GPBP1: variants seen among roughly 807,000 people sequenced by gnomAD.
GPBP1 encodes GC-rich promoter binding protein 1.
GPBP1 carries 13 observed loss-of-function variants against 56.5 expected under a neutral mutation model. That is an observed-to-expected ratio of 0.23 (90% CI 0.15 to 0.37). The LOEUF (loss-of-function observed/expected upper bound fraction) is 0.37. GPBP1 is among the 10% of genes least tolerant of loss of function. The pLI is 1.00. For missense variants in GPBP1, 477 were observed against 572.3 expected, an observed-to-expected ratio of 0.83 and a Z score of 1.70; for synonymous variants, 204 against 188.9, an observed-to-expected ratio of 1.08 and a Z score of -0.66.
Position 57,202,591 on chromosome 5 carries a change from A to AT in GPBP1, c.-57-11473dup, listed in dbSNP as rs546232314. ...GGCATGAGCCACCGTGCCCAGCAGC[A>AT]TTTTTTTTTTAAAAAGCTTATCTAT... On this transcript the variant is annotated intron_variant, in intron 2 of 11. Transcript: ENST00000506184. 7.8e-4 allele frequency among the ~76,000 whole-genome samples: 117 copies of AT among 150,238 alleles called. 1 individual carries two copies. In the South Asian group the frequency reaches 0.016, roughly 21 times the overall value.
In GPBP1 at chr5:57,264,265, G is replaced by T. The variant is rs1368335476; in HGVS notation, c.*1513G>T. The stretch of plus-strand genomic sequence containing the variant: ...AAAATAAGGTTTCACTATATAATTT[G>T]TCACAATTCAATCTAATCAGCTAAA... On this transcript the variant is annotated 3_prime_UTR_variant, in exon 12 of 12. Transcript: ENST00000506184. 2 of 152,162 alleles carry T rather than the reference G, an allele frequency of 1.3e-5. No homozygotes were observed. Among genetic ancestry groups the T allele is most frequent in the African/African-American group, 4.8e-5 (2 of 41,456 alleles). The allele number at this position is 152,162 out of a possible 1,614,324, so 9.4% of individuals were successfully genotyped here.
intron 6 of GPBP1, among the ~76,000 whole-genome samples, chr5:57,243,877 CAA>C (rs1740954322): frequency 6.6e-6 from 1 of 151,582 alleles, no homozygotes; most frequent in African/African-American, 2.4e-5. Flanking sequence ...TTTGTAGAGA[CAA>C]AGTTTCACTA....
chr5:57,179,208 A>AT (rs780898660), intron 2 of GPBP1, among the ~76,000 whole-genome samples: 29 of 152,224 alleles, frequency 1.9e-4, no homozygotes, highest in Non-Finnish European at 3.2e-4. Flanking sequence ...TATCTTTGAT[A>AT]TTTTTTTCTT....
intron 1 of GPBP1, among the ~76,000 whole-genome samples, 173 bp downstream of exon 1, chr5:57,174,384 G>T (rs1457411697): frequency 6.6e-6 from 1 of 151,860 alleles, no homozygotes; most frequent in African/African-American, 2.4e-5. Flanking sequence ...GCGCAGATAG[G>T]CCCCTCTAGG....
At chr5:57,187,813 A>G (rs372505268) in intron 2 of GPBP1, among the ~76,000 whole-genome samples, 1 of 152,086 alleles carries the variant, frequency 6.6e-6, no homozygotes, top group African/African-American at 2.4e-5. Flanking sequence ...CATATGATCA[A>G]CCAGGAGGGA....
intron 2 of GPBP1, among the ~76,000 whole-genome samples, chr5:57,209,430 A>G (rs949722045): frequency 3.3e-5 from 5 of 152,160 alleles, no homozygotes; most frequent in Non-Finnish European, 7.4e-5. Flanking sequence ...GCTCCCAAGT[A>G]TCTGGGACTA....
chr5:57,259,251 T>G (rs148000224), intron 10 of GPBP1, among the ~76,000 whole-genome samples: 2 of 152,350 alleles, frequency 1.3e-5, no homozygotes, highest in East Asian at 3.9e-4. Flanking sequence ...CAAGTTATTT[T>G]ACTTATATGA....
chr5:57,199,582 A>G (rs1387952840), intron 2 of GPBP1, among the ~76,000 whole-genome samples: 1 of 152,068 alleles, frequency 6.6e-6, no homozygotes, highest in African/African-American at 2.4e-5. Flanking sequence ...TCTAGGGTAC[A>G]TGTGCACAAC....
chr5:57,194,417 ATAGT>A (rs1281100420), intron 2 of GPBP1, among the ~76,000 whole-genome samples: 1 of 152,202 alleles, frequency 6.6e-6, no homozygotes, highest in African/African-American at 2.4e-5. Context: ...TGGATGAATA[ATAGT>A]TACACATATT....
intron 2 of GPBP1, among the ~76,000 whole-genome samples, chr5:57,177,122 A>G (rs1554055779): frequency 6.6e-6 from 1 of 151,546 alleles, no homozygotes; most frequent in Non-Finnish European, 1.5e-5. Flanking sequence ...ATGAGTATAC[A>G]TTTTTTTTTC....
At chr5:57,218,447 G>A (rs1161474519) in intron 3 of GPBP1, among the ~76,000 whole-genome samples, 1 of 152,180 alleles carries the variant, frequency 6.6e-6, no homozygotes, top group Non-Finnish European at 1.5e-5. Context: ...GATTGATAAT[G>A]GTGAGGTATT....
intron 8 of GPBP1, chr5:57,248,879 A>G (rs1177123558): frequency 6.6e-6 from 1 of 152,314 alleles, no homozygotes; most frequent in African/African-American, 2.4e-5. Context: ...AATAATCCAT[A>G]TGACACAGAG....
At chr5:57,202,585 A>G (rs572456991) in intron 2 of GPBP1, among the ~76,000 whole-genome samples, 1 of 152,050 alleles carries the variant, frequency 6.6e-6, no homozygotes, top group Non-Finnish European at 1.5e-5. Context: ...CACCGTGCCC[A>G]GCAGCATTTT....
rs189550546 is a variant in GPBP1 at position 57,181,856 on chromosome 5, T to C, written c.-58+5456T>C. Reference sequence around the variant, plus strand: ...GTTAGTGGTTACTGGTAAACTGTTTTGTGGTTGTGACTGTTTTTCAGTTTT... The same window carrying C: ...GTTAGTGGTTACTGGTAAACTGTTTCGTGGTTGTGACTGTTTTTCAGTTTT... On this transcript the variant is annotated intron_variant, in intron 2 of 11. Transcript: ENST00000506184. Among the ~76,000 whole-genome samples the C allele has an allele frequency of 5.1e-4, 78 of 152,336 alleles. No homozygotes were observed. The South Asian group carries it at 8.7e-3, about 17-fold the overall frequency.
At chr5:57,219,022 T>C (rs1755814675) in intron 3 of GPBP1, among the ~76,000 whole-genome samples, 2 of 152,154 alleles carry the variant, frequency 1.3e-5, no homozygotes. Context: ...TATTCTGTGA[T>C]CTTTCCATAG....
intron 2 of GPBP1, among the ~76,000 whole-genome samples, chr5:57,183,342 G>C (rs972228164): frequency 6.6e-6 from 1 of 152,162 alleles, no homozygotes; most frequent in South Asian, 2.1e-4. Context: ...ACTCCAGCCT[G>C]GGTGACAAGA....
chr5:57,212,649 CTTTCT>C (rs1249282827), intron 2 of GPBP1, among the ~76,000 whole-genome samples: 3 of 150,598 alleles, frequency 2.0e-5, no homozygotes, highest in Non-Finnish European at 3.0e-5. Context: ...TACTCTTAAC[CTTTCT>C]TTTCTTTTTC....
rs574840148 is a variant in GPBP1, at chr5:57,247,940, G to A, written c.804+725G>A. Among the ~76,000 whole-genome samples, 5 of 152,144 alleles carry A rather than the reference G, an allele frequency of 3.3e-5. No individual in the cohort carries two copies. The East Asian group carries it at 7.8e-4, about 24-fold the overall frequency. On this transcript the variant is annotated intron_variant, in intron 8 of 11. Transcript: ENST00000506184. ...TACTTTTTGTAGAGACGAGGATCTT[G>A]CTATGTTGTCCAGGCTGGTCTCAAA...
At chr5:57,212,577 AT>A (rs1374867082) in intron 2 of GPBP1, among the ~76,000 whole-genome samples, 7 of 152,024 alleles carry the variant, frequency 4.6e-5, no homozygotes, top group Non-Finnish European at 1.0e-4. Flanking sequence ...CATATTGAGC[AT>A]TTAAACATTT....
Sources: allele counts gnomAD v4.1 joint callset (sites outside exome capture counted in the v4.1 genomes callset), GRCh38; gene constraint gnomAD v4.1.1; transcripts MANE v1.5; gene names NCBI Gene and HGNC (gene_info 2026-07-23, HGNC 2026-07-21).